Variants in ATG2A observed in about 807,000 individuals in gnomAD.
ATG2A encodes autophagy related 2A, also known as autophagy-related protein 2 homolog A.
A neutral mutation model predicts 214.2 loss-of-function variants in ATG2A; 103 were observed. The observed-to-expected ratio is 0.48, with a 90% CI of 0.41 to 0.57. ATG2A has a LOEUF of 0.57. Ranked by LOEUF, ATG2A falls within the 20% of genes least tolerant of loss-of-function variation. The probability of loss-of-function intolerance (pLI) is 0.00; values close to 1 mark genes in which losing one functional copy is unlikely to be tolerated. For missense variants in ATG2A, 2,312 were observed against 2,613.2 expected (o/e 0.88, Z 2.51); for synonymous variants, 1,160 against 1,142.1 (o/e 1.02, Z -0.32).
rs748412226 is a variant in ATG2A, at chr11:64,900,604, T to C, written c.4354A>G (p.Arg1452Gly). 1.9e-5 allele frequency: 30 copies of C among 1,611,360 alleles called. No individual in the cohort carries two copies. In the East Asian group the frequency reaches 4.2e-4, roughly 23 times the overall value. Residue 1452 changes from arginine to glycine, a missense_variant, in exon 31 of 41, where the codon AGG becomes GGG. Physicochemically the swap from Arg to Gly is moderately radical, Grantham distance 125. Transcript: ENST00000377264. ...HRARTGLSGP[R>G]SSPSRCSGPN... Reference sequence around the variant, plus strand: ...CCAGAGCAGCGGGAAGGGGAGCTCCTGGGACCTGAGAGGCCAGTTCTTGCC... The same window carrying C: ...CCAGAGCAGCGGGAAGGGGAGCTCCCGGGACCTGAGAGGCCAGTTCTTGCC...
Position 64,903,566 on chromosome 11 carries a change from G to C in ATG2A, c.3535+24C>G, listed in dbSNP as rs1173121747. 6.5e-7 allele frequency: 1 copy of C among 1,536,362 alleles called. No homozygotes were observed. The highest frequency in any genetic ancestry group is 8.8e-7 in the Non-Finnish European group (1 of 1,137,582). Reference sequence around the variant, plus strand: ...GGGCGGTGGTCCCTCAGAGGGGAGGGAGCCCAGTCCCGGCCCTGCCCACCT... The same window carrying C: ...GGGCGGTGGTCCCTCAGAGGGGAGGCAGCCCAGTCCCGGCCCTGCCCACCT... On this transcript the variant is annotated intron_variant, in intron 25 of 40. Transcript: ENST00000377264. The surrounding 1 kb of genome is among the most constrained non-coding windows in gnomAD (Gnocchi z 4.2).
rs188923974 is a variant in ATG2A, at chr11:64,895,054, G to A, written c.5736C>T (p.Leu1912=). 19 of 1,613,274 alleles carry A rather than the reference G, an allele frequency of 1.2e-5. No individual in the cohort carries two copies. In the East Asian group the frequency reaches 1.6e-4, roughly 13 times the overall value. ...ILATEATSSL[L]GGMRNQIVPD... is the part of the protein sequence containing the mutation. ...GGACAATCTGGTTGCGCATGCCCCC[G>A]AGCAGGCTGGACGTGGCCTCCGTGG... The change falls in exon 41 of 41, where the codon CTC becomes CTT. Residue 1912 remains leucine, a synonymous_variant. Transcript: ENST00000377264. The surrounding 1 kb of genome is among the most constrained non-coding windows in gnomAD (Gnocchi z 5.0).
At chr11:64,916,857 C>A in intron 1 of ATG2A, 108 bp downstream of exon 1, 1 of 1,476,654 alleles carries the variant, frequency 6.8e-7, no homozygotes, top group Non-Finnish European at 9.1e-7. Flanking sequence ...TTCCCCTGGC[C>A]TCTCTACGCC....
At chr11:64,900,723 C>A (rs1944322673) in intron 30 of ATG2A, 94 bp from the exon 31 acceptor site, 1 of 1,461,786 alleles carries the variant, frequency 6.8e-7, no homozygotes, top group Admixed American at 2.6e-5. Flanking sequence ...GAGACCCCCG[C>A]TAGCCCCAGT....
chr11:64,912,527 CAAACT>C (rs1944815841), intron 6 of ATG2A, 104 bp from the exon 7 acceptor site: 2 of 943,266 alleles, frequency 2.1e-6, no homozygotes, highest in Admixed American at 2.9e-5. Context: ...TGCTGGCTAC[CAAACT>C]AAACTCTGTT....
chr11:64,905,681 C>T (rs368155241), intron 23 of ATG2A, 26 bp from the exon 24 acceptor site: 32 of 1,613,392 alleles, frequency 2.0e-5, no homozygotes, highest in African/African-American at 6.7e-5. Context: ...GGGCTGGGGC[C>T]GGCTCCTTAC....
At position 64,909,282 on chromosome 11, in the gene ATG2A, G is replaced by A; in HGVS notation, c.2193C>T (p.Tyr731=). The A allele has an allele frequency of 6.2e-7, 1 of 1,613,698 alleles. No individual in the cohort carries two copies. The highest frequency in any genetic ancestry group is 8.5e-7 in the Non-Finnish European group (1 of 1,179,984). The change falls in exon 15 of 41, where the codon TAC becomes TAT. Residue 731 remains tyrosine (Y), a synonymous_variant. Transcript: ENST00000377264. ...GAGCCCCTACTTACTGGGGCAGGAA[G>A]TACTTGCGCCCAGTGCTCTTGGGGT... ...ALDPKSTGRK[Y]FLPQVVVTVN...
Position 64,909,799 on chromosome 11 carries a change from GGCCTGGCCC to G in ATG2A, c.1980_1988del (p.Gly661_Ala663del), listed in dbSNP as rs1944694424. ...CCAGCCGAAGCTGCTCAGCCCGCACGGCCTGGCCCGCCCAGGGGTCCGGCTCAGGCCGCA... is the reference window on the plus strand; with the variant it reads ...CCAGCCGAAGCTGCTCAGCCCGCACGGCCCAGGGGTCCGGCTCAGGCCGCA... On this transcript the variant is annotated inframe_deletion, in exon 14 of 41. Transcript: ENST00000377264. 1 of 1,612,036 alleles carries G rather than the reference GGCCTGGCCC, an allele frequency of 6.2e-7. No homozygotes were observed. The highest frequency in any genetic ancestry group is 2.2e-5 in the East Asian group (1 of 44,874).
chr11:64,906,179 T>A lies in ATG2A; in HGVS notation c.3198A>T (p.Thr1066=). 2 of 1,609,708 alleles carry A rather than the reference T, an allele frequency of 1.2e-6. No homozygotes were observed. The highest frequency in any genetic ancestry group is 2.2e-5 in the South Asian group (2 of 90,682). The change falls in exon 22 of 41, where the codon ACA becomes ACT. Residue 1066 remains threonine, a synonymous_variant. Coordinates refer to ENST00000377264, the MANE Select transcript of ATG2A (RefSeq NM_015104.3). ...GCAAGGTGGCTTTGTGCAACCGCAG[T>A]GTCACCAGGAACTCCTGAGGGTGGG... The part of the protein sequence containing the change: ...PHKNVKEFLV[T]LRLHKATLRH...
Position 64,914,466 on chromosome 11 carries a change from G to A in ATG2A, c.206C>T (p.Pro69Leu), listed in dbSNP as rs149469145. 28 of 1,612,724 alleles carry A rather than the reference G, an allele frequency of 1.7e-5. No individual in the cohort carries two copies. In the South Asian group the frequency reaches 2.1e-4, roughly 12 times the overall value. Residue 69 changes from proline to leucine, a missense_variant, in exon 2 of 41, where the codon CCG (proline) becomes CTG (leucine). Coordinates refer to ENST00000377264, the MANE Select transcript of ATG2A (RefSeq NM_015104.3). ...VNEVLESMES[P>L]LELVEGFVGS... The stretch of plus-strand genomic sequence containing the variant: ...CACGAAGCCTTCCACCAGCTCCAGC[G>A]GTGACTCCATTGACTCCAGCACCTC...
At position 64,902,701 on chromosome 11, in the gene ATG2A, G is replaced by A. The variant is rs747939031; in HGVS notation, c.3613-21C>T. 5 of 1,600,266 alleles carry A rather than the reference G, an allele frequency of 3.1e-6. No individual in the cohort carries two copies. In the South Asian group the frequency reaches 3.3e-5, roughly 11 times the overall value. ...TGGCTCTGCAGGGGCGGGGTGGGGG[G>A]AGCAGCTATGTGAACACAGGGGCCA... On this transcript the variant is annotated intron_variant, in intron 26 of 40. Coordinates refer to ENST00000377264, the MANE Select transcript of ATG2A (RefSeq NM_015104.3).
chr11:64,898,177 G>A lies in ATG2A; in HGVS notation c.4774-7C>T, dbSNP rs1003304437. The A allele has an allele frequency of 6.2e-7, 1 of 1,614,026 alleles. No individual in the cohort carries two copies. ...TGAGGAAGAAGAGGGCATCCTGCAA[G>A]GGAGAGGTCCAGATGTGGATCAGAC... On this transcript the variant is annotated splice_region_variant and splice_polypyrimidine_tract_variant and intron_variant, in intron 33 of 40. Transcript: ENST00000377264. The surrounding 1 kb of genome is among the most constrained non-coding windows in gnomAD (Gnocchi z 4.5).
chr11:64,912,831 G>A (rs914669628), intron 6 of ATG2A: 1 of 528,192 alleles, frequency 1.9e-6, no homozygotes, highest in African/African-American at 1.9e-5. Context: ...GACCTCAGAT[G>A]ATCCACCCAC....
intron 19 of ATG2A, 122 bp from the exon 20 acceptor site, chr11:64,906,937 G>A (rs927129380): frequency 1.5e-5 from 18 of 1,203,314 alleles, no homozygotes; most frequent in African/African-American, 7.7e-5. Flanking sequence ...CACCATGGAC[G>A]CTGCTGGAGG....
intron 9 of ATG2A, 66 bp downstream of exon 9, chr11:64,911,776 C>T: frequency 6.3e-7 from 1 of 1,594,176 alleles, no homozygotes; most frequent in East Asian, 2.2e-5. Context: ...CTCTGACAGC[C>T]CACGGCACTA....
rs1018700197 is a variant in ATG2A, at chr11:64,906,450, G to A, written c.3067C>T (p.Pro1023Ser). The A allele has an allele frequency of 2.5e-6, 4 of 1,613,192 alleles. No homozygotes were observed. Among genetic ancestry groups the A allele is most frequent in the African/African-American group, 2.7e-5 (2 of 74,926 alleles). The change falls in exon 21 of 41, where the codon CCA becomes TCA. Residue 1023 changes from proline (P) to serine (S), a missense_variant. Transcript: ENST00000377264. ...PPAQLAPTIYPSEEGVTERGA... is the reference protein window; with the variant it reads ...PPAQLAPTIYSSEEGVTERGA... ...CGCTCGGTCACCCCTTCCTCCGATG[G>A]GTAGATGGTTGGGGCCAGCTGAGCC...
rs1944397673 is a variant in ATG2A, at chr11:64,902,645, A to G, written c.3648T>C (p.Asn1216=). ...QPLFELRCSN[N]VVHVHSCADS... is the part of the protein sequence containing the mutation. ...CGGCACAGCTGTGCACGTGTACCAC[A>G]TTGTTGGAGCAGCGCAGCTCGAATA... The change falls in exon 27 of 41, where the codon AAT becomes AAC. Residue 1216 remains asparagine, a synonymous_variant. Coordinates refer to ENST00000377264, the MANE Select transcript of ATG2A (RefSeq NM_015104.3). 1 of 1,610,832 alleles carries G rather than the reference A, an allele frequency of 6.2e-7. No homozygotes were observed. The highest frequency in any genetic ancestry group is 8.5e-7 in the Non-Finnish European group (1 of 1,179,712).
intron 37 of ATG2A, chr11:64,897,202 G>C (rs1431951684): frequency 1.6e-6 from 1 of 639,658 alleles, no homozygotes; most frequent in Non-Finnish European, 2.6e-6. Flanking sequence ...ATTTTTAGTA[G>C]AGACGGGGGG....
Position 64,909,831 on chromosome 11 carries a change from G to T in ATG2A, c.1957C>A (p.Arg653=). The T allele has an allele frequency of 6.2e-7, 1 of 1,610,694 alleles. No homozygotes were observed. ...LRLRFPIADL[R]PEPDPWAGQA... ...CCCGCCCAGGGGTCCGGCTCAGGCCGCAGGTCGGCAATGGGGAAGCGCAGC... is the reference window on the plus strand; with the variant it reads ...CCCGCCCAGGGGTCCGGCTCAGGCCTCAGGTCGGCAATGGGGAAGCGCAGC... Residue 653 remains arginine (R), a synonymous_variant, in exon 14 of 41, where the codon CGG becomes AGG. Transcript: ENST00000377264.
Sources: allele counts gnomAD v4.1 joint callset, GRCh38; gene constraint gnomAD v4.1.1; non-coding constraint Gnocchi (gnomAD v3.1); transcripts MANE v1.5; gene names NCBI Gene and HGNC (gene_info 2026-07-23, HGNC 2026-07-21).